DNAJC16: variants seen among roughly 807,000 people sequenced by gnomAD.
The protein encoded by DNAJC16 is DnaJ heat shock protein family (Hsp40) member C16.
A neutral mutation model predicts 92.7 loss-of-function variants in DNAJC16; 76 were observed. The ratio of observed to expected loss-of-function variants is 0.82; its 90% CI spans 0.68 to 0.99. The LOEUF (loss-of-function observed/expected upper bound fraction) is 0.99, where lower values mean the gene tolerates loss of function less well. Ranked by LOEUF, DNAJC16 falls within the 50% of genes least tolerant of loss-of-function variation. The pLI, the probability that DNAJC16 is intolerant of heterozygous loss-of-function variation, is 0.00. For synonymous variants in DNAJC16, 328 were observed against 358.7 expected (o/e 0.91, Z 0.97); for missense variants, 869 against 942.4 (o/e 0.92, Z 1.02).
chr1:15,546,362 A>G (rs1483925138), intron 5 of DNAJC16, among the ~76,000 whole-genome samples: 1 of 152,150 alleles, frequency 6.6e-6, no homozygotes, highest in East Asian at 1.9e-4. Flanking sequence ...TGATAGATAG[A>G]TGGGAGACTG....
chr1:15,550,211 A>G (rs535047384), intron 7 of DNAJC16, among the ~76,000 whole-genome samples: 1 of 152,368 alleles, frequency 6.6e-6, no homozygotes, highest in East Asian at 1.9e-4. Flanking sequence ...TAGAAAAGAG[A>G]AGATAATCTC....
intron 4 of DNAJC16, among the ~76,000 whole-genome samples, chr1:15,543,445 G>C (rs1710981679): frequency 6.6e-6 from 1 of 152,252 alleles, no homozygotes; most frequent in African/African-American, 2.4e-5. Flanking sequence ...GACTGGCGCA[G>C]GCTGTTGGAG....
At chr1:15,532,104 T>C (rs755504310) in intron 2 of DNAJC16, among the ~76,000 whole-genome samples, 7 of 152,244 alleles carry the variant, frequency 4.6e-5, no homozygotes, top group African/African-American at 9.6e-5. Context: ...TTTTTGTTTG[T>C]TATCCACATT....
intron 8 of DNAJC16, 94 bp downstream of exon 8, chr1:15,559,750 T>C (rs1346571494): frequency 1.3e-5 from 20 of 1,500,388 alleles, no homozygotes; most frequent in Admixed American, 4.1e-5. Context: ...CCCTGTAACA[T>C]TGAGAACTTA....
intron 14 of DNAJC16, 23 bp downstream of exon 14, chr1:15,567,292 G>A (rs969259848): frequency 7.5e-6 from 12 of 1,597,746 alleles, no homozygotes; most frequent in Non-Finnish European, 1.0e-5. Flanking sequence ...GTGTGTGCAT[G>A]TATGTATGTG....
chr1:15,542,713 T>C (rs577463996), intron 4 of DNAJC16, among the ~76,000 whole-genome samples: 1 of 152,260 alleles, frequency 6.6e-6, no homozygotes, highest in East Asian at 1.9e-4. Context: ...TTCCTCTGGG[T>C]AGATAGTGTC....
At chr1:15,532,056 A>G (rs1272422708) in intron 2 of DNAJC16, among the ~76,000 whole-genome samples, 2 of 152,168 alleles carry the variant, frequency 1.3e-5, no homozygotes, top group Non-Finnish European at 2.9e-5. Context: ...TAGGAAAACT[A>G]TGTTTTTCTC....
intron 8 of DNAJC16, among the ~76,000 whole-genome samples, chr1:15,561,184 A>G (rs963596333): frequency 6.6e-6 from 1 of 151,768 alleles, no homozygotes; most frequent in Non-Finnish European, 1.5e-5. Flanking sequence ...CCCCACTGGA[A>G]TATAAGCTCC....
chr1:15,529,086 A>G lies in DNAJC16; in HGVS notation c.-18-2A>G. On this transcript the variant is annotated splice_acceptor_variant, in intron 1 of 14. Coordinates refer to ENST00000375847, the MANE Select transcript of DNAJC16 (RefSeq NM_015291.4). LOFTEE classifies it low-confidence loss of function (5UTR_SPLICE). ...AACTCATTGCCTCTTCAATCATTTC[A>G]GCTCTGGAAAGGAAGAGAAATGGAA... The G allele has an allele frequency of 6.2e-7, 1 of 1,611,662 alleles. No homozygotes were observed. The highest frequency in any genetic ancestry group is 1.1e-5 in the South Asian group (1 of 90,950).
chr1:15,552,001 A>C (rs1638454059), intron 7 of DNAJC16, among the ~76,000 whole-genome samples: 1 of 150,870 alleles, frequency 6.6e-6, no homozygotes, highest in South Asian at 2.1e-4. Flanking sequence ...ACTGTACTCC[A>C]GCCTGGGTGA....
rs138804878 is a variant in DNAJC16, at chr1:15,545,059, C to T, written c.759+476C>T. On this transcript the variant is annotated intron_variant, in intron 5 of 14. Coordinates refer to ENST00000375847, the MANE Select transcript of DNAJC16 (RefSeq NM_015291.4). Reference sequence around the variant, plus strand: ...AAATCAAATATTATTTTTGAAACTTCAGAAACTTACAGTGACAATAATATG... The same window carrying T: ...AAATCAAATATTATTTTTGAAACTTTAGAAACTTACAGTGACAATAATATG... 9.4e-3 allele frequency among the ~76,000 whole-genome samples: 1,427 copies of T among 152,184 alleles called. 11 individuals are homozygous for T. The highest frequency in any genetic ancestry group is 0.013 in the Non-Finnish European group (908 of 67,996).
intron 14 of DNAJC16, 24 bp from the exon 15 acceptor site, chr1:15,567,754 T>G (rs527709591): frequency 6.3e-7 from 1 of 1,596,000 alleles, no homozygotes; most frequent in South Asian, 1.1e-5. Flanking sequence ...ATGCCCTGAG[T>G]CCTCAATTCT....
chr1:15,559,253 A>G (rs1200616146), intron 7 of DNAJC16, among the ~76,000 whole-genome samples: 2 of 152,090 alleles, frequency 1.3e-5, no homozygotes, highest in Non-Finnish European at 2.9e-5. Flanking sequence ...TGACTTTTTT[A>G]ATTTGTCAGC....
At chr1:15,534,068 T>A (rs6703016) in intron 2 of DNAJC16, among the ~76,000 whole-genome samples, 169 bp from the exon 3 acceptor site, 96,279 of 152,150 alleles carry the variant, frequency 0.63, 31,666 homozygotes, top group African/African-American at 0.81. Context: ...AAGTTTCATT[T>A]ATTATAGTCA....
chr1:15,555,903 A>T (rs544550665), intron 7 of DNAJC16, among the ~76,000 whole-genome samples: 2 of 151,626 alleles, frequency 1.3e-5, no homozygotes, highest in Non-Finnish European at 2.9e-5. Context: ...AGGCAGGAGA[A>T]TCACTTGAAC....
At chr1:15,528,427 C>CG (rs1253681346) in intron 1 of DNAJC16, among the ~76,000 whole-genome samples, 1 of 112,812 alleles carries the variant, frequency 8.9e-6, no homozygotes, top group Non-Finnish European at 1.8e-5. Flanking sequence ...AGTGAAACTC[C>CG]GTCTCAAAAA....
intron 7 of DNAJC16, among the ~76,000 whole-genome samples, chr1:15,552,767 T>TTA (rs1419208519): frequency 3.6e-5 from 5 of 139,262 alleles, no homozygotes; most frequent in African/African-American, 5.1e-5. Context: ...ATTATTATTA[T>TTA]TTATTTTTTT....
intron 8 of DNAJC16, among the ~76,000 whole-genome samples, 182 bp downstream of exon 8, chr1:15,559,838 C>T (rs1232795255): frequency 1.3e-5 from 2 of 151,114 alleles, no homozygotes; most frequent in South Asian, 2.1e-4. Context: ...CCGAGGAGGG[C>T]GGATCATCTG....
At chr1:15,558,383 CATT>C (rs1464075089) in intron 7 of DNAJC16, among the ~76,000 whole-genome samples, 1 of 151,676 alleles carries the variant, frequency 6.6e-6, no homozygotes, top group Admixed American at 6.6e-5. Context: ...GACAAGATCT[CATT>C]ATGTTGCCCA....
Sources: allele counts gnomAD v4.1 joint callset (sites outside exome capture counted in the v4.1 genomes callset), GRCh38; gene constraint gnomAD v4.1.1; transcripts MANE v1.5; gene names NCBI Gene and HGNC (gene_info 2026-07-23, HGNC 2026-07-21).